Variants in RBFOX1 observed in about 807,000 individuals in gnomAD.
The protein encoded by RBFOX1 is RNA binding protein fox-1 homolog 1.
In RBFOX1, 8 loss-of-function variants were observed where a neutral mutation model predicts 57.7. The observed-to-expected ratio is 0.14, with a 90% CI of 0.08 to 0.25. RBFOX1 has a LOEUF of 0.25. Among genes scored for constraint, RBFOX1 ranks in the 10% least tolerant of loss-of-function variants. RBFOX1 has a pLI of 1.00. For missense variants in RBFOX1, 611 were observed against 548.5 expected (o/e 1.11, Z -1.14); for synonymous variants, 326 against 222.4 (o/e 1.47, Z -4.15).
chr16:7,532,881 C>A (rs530288066), intron 5 of RBFOX1, among the ~76,000 whole-genome samples: 4 of 152,194 alleles, frequency 2.6e-5, no homozygotes, highest in African/African-American at 9.7e-5. Flanking sequence ...TGGCAACCCC[C>A]GATCTAGGCC....
Position 6,203,906 on chromosome 16 carries a change from C to T in RBFOX1, c.-126-113089C>T, listed in dbSNP as rs887011556. On this transcript the variant is annotated intron_variant, in intron 1 of 15. Transcript: ENST00000550418. Reference sequence around the variant, plus strand: ...GCAAAGCAACCTGCCTATGCCTGATCCCTGCATACACAAACACAGAGAAAT... The same window carrying T: ...GCAAAGCAACCTGCCTATGCCTGATTCCTGCATACACAAACACAGAGAAAT... Among the ~76,000 whole-genome samples, 6 of 152,110 alleles carry T rather than the reference C, an allele frequency of 3.9e-5. No individual in the cohort carries two copies. The East Asian group carries it at 1.2e-3, about 29-fold the overall frequency.
At chr16:5,454,965 T>TTCTTTCTTTC (rs1336351575) in intron 1 of RBFOX1, among the ~76,000 whole-genome samples, 2 of 63,814 alleles carry the variant, frequency 3.1e-5, no homozygotes, top group African/African-American at 1.1e-4. Flanking sequence ...CTTCCTTTCT[T>TTCTTTCTTTC]TCTTTCTTTC....
intron 3 of RBFOX1, among the ~76,000 whole-genome samples, chr16:6,745,858 G>A (rs138254376): frequency 1.0e-3 from 154 of 152,268 alleles, no homozygotes; most frequent in African/African-American, 3.3e-3. Context: ...CATAGGCAGC[G>A]TGATCATCTG....
At chr16:5,712,155 T>G (rs894271466) in intron 3 of RBFOX1, among the ~76,000 whole-genome samples, 3 of 152,162 alleles carry the variant, frequency 2.0e-5, no homozygotes, top group Non-Finnish European at 2.9e-5. Flanking sequence ...GAGAGCAGCA[T>G]AGGCGAAAAC....
At chr16:6,572,170 C>T (rs1217787498) in intron 2 of RBFOX1, among the ~76,000 whole-genome samples, 1 of 152,058 alleles carries the variant, frequency 6.6e-6, no homozygotes, top group Non-Finnish European at 1.5e-5. Context: ...TACTTGATAT[C>T]CCGTCGTGGA....
At chr16:6,653,105 C>T (rs1375837434) in intron 2 of RBFOX1, among the ~76,000 whole-genome samples, 1 of 152,124 alleles carries the variant, frequency 6.6e-6, no homozygotes, top group Non-Finnish European at 1.5e-5. Flanking sequence ...CTTCGTTTGC[C>T]TGGGATGTTC....
chr16:5,947,098 C>T lies in RBFOX1; in HGVS notation c.351+79763C>T, dbSNP rs952217613. Among the ~76,000 whole-genome samples the T allele has an allele frequency of 6.6e-6, 1 of 152,054 alleles. No homozygotes were observed. Among genetic ancestry groups the T allele is most frequent in the Non-Finnish European group, 1.5e-5 (1 of 68,012 alleles). ...CCCATGTGGTTGTGCATACTGTAGT[C>T]CCAGATACTCAGGAGGCTGAGGTAG... On this transcript the variant is annotated intron_variant, in intron 4 of 19. Coordinates refer to the RBFOX1 transcript ENST00000641259. The surrounding 1 kb of genome is among the most constrained non-coding windows in gnomAD (Gnocchi z 7.2).
At chr16:6,658,972 C>T (rs564021608) in intron 3 of RBFOX1, among the ~76,000 whole-genome samples, 24 of 146,658 alleles carry the variant, frequency 1.6e-4, no homozygotes, top group Middle Eastern at 3.6e-3. Flanking sequence ...TGCAGGTGAA[C>T]GTTGTGGAGC....
chr16:6,702,792 C>G (rs922741331), intron 3 of RBFOX1, among the ~76,000 whole-genome samples: 6 of 152,140 alleles, frequency 3.9e-5, no homozygotes, highest in African/African-American at 1.4e-4. Flanking sequence ...AATGTACCAC[C>G]TTAGCCATTT....
At position 7,032,201 on chromosome 16, in the gene RBFOX1, G is replaced by A. The variant is rs538684364; in HGVS notation, c.-15-19856G>A. The stretch of plus-strand genomic sequence containing the variant: ...GTTCTTTGGGAGGCCAAGGCGGGCG[G>A]ATCGCTTGAGGTCAGGAGTTCGAGA... On this transcript the variant is annotated intron_variant, in intron 3 of 15. Transcript: ENST00000550418. Among the ~76,000 whole-genome samples the A allele has an allele frequency of 1.3e-5, 2 of 152,198 alleles. 1 individual carries two copies. Among genetic ancestry groups the A allele is most frequent in the East Asian group, 3.9e-4 (2 of 5,170 alleles).
intron 3 of RBFOX1, among the ~76,000 whole-genome samples, chr16:6,910,639 C>G (rs778691135): frequency 2.2e-4 from 34 of 152,158 alleles, no homozygotes; most frequent in Non-Finnish European, 4.7e-4. Context: ...CCATCTTTGT[C>G]AGTTTCTAGA....
At chr16:6,839,379 T>G (rs556705664) in intron 3 of RBFOX1, among the ~76,000 whole-genome samples, 1 of 152,346 alleles carries the variant, frequency 6.6e-6, no homozygotes, top group African/African-American at 2.4e-5. Context: ...AGGCTGAGGT[T>G]AGGTTGTCAG....
chr16:6,477,711 C>G (rs2095295693), intron 2 of RBFOX1, among the ~76,000 whole-genome samples: 2 of 152,266 alleles, frequency 1.3e-5, no homozygotes, highest in South Asian at 4.1e-4. Context: ...AGCTTTAAAG[C>G]CAGGTGTTGA....
rs34481482 is a variant in RBFOX1, at chr16:6,032,882, GT to G, written c.-127+12906del. On this transcript the variant is annotated intron_variant, in intron 1 of 15. Coordinates refer to ENST00000550418, the MANE Select transcript of RBFOX1 (RefSeq NM_018723.4). ...TTTCAAAATGCAAAACCTAGTGTAA[GT>G]TTTTTTTTTTTTTTTCCCTCTCTCC... 1.0e-3 allele frequency among the ~76,000 whole-genome samples: 140 copies of G among 140,060 alleles called. 1 individual carries two copies. Among genetic ancestry groups the G allele is most frequent in the African/African-American group, 2.6e-3 (95 of 36,438 alleles). The allele number at this position is 140,060 out of a possible 152,430, so 91.9% of individuals were successfully genotyped here.
chr16:6,877,848 A>G lies in RBFOX1; in HGVS notation c.-15-174209A>G, dbSNP rs2062127847. ...ATCTAACAGTCTTCTTCCTATCCCC[A>G]AAATACCCATTCAAAGAGAATAGGG... On this transcript the variant is annotated intron_variant, in intron 3 of 15. Transcript: ENST00000550418. Among the ~76,000 whole-genome samples, 3 of 152,196 alleles carry G rather than the reference A, an allele frequency of 2.0e-5. No homozygotes were observed. The South Asian group carries it at 6.2e-4, about 31-fold the overall frequency.
chr16:7,284,978 C>T (rs59444606), intron 4 of RBFOX1, among the ~76,000 whole-genome samples: 4,104 of 151,916 alleles, frequency 0.027, 190 homozygotes, highest in African/African-American at 0.093. Flanking sequence ...TCGCCAACGC[C>T]TCATCCCTCC....
intron 2 of RBFOX1, among the ~76,000 whole-genome samples, chr16:6,600,627 G>C (rs987487105): frequency 6.6e-6 from 1 of 152,148 alleles, no homozygotes; most frequent in African/African-American, 2.4e-5. Context: ...AATCAGAACT[G>C]AAACAGTGGA....
chr16:5,454,735 C>G (rs963512413), intron 1 of RBFOX1, among the ~76,000 whole-genome samples: 1 of 144,384 alleles, frequency 6.9e-6, no homozygotes, highest in Non-Finnish European at 1.5e-5. Flanking sequence ...CTCTCTCTTT[C>G]TTTCTTTCTT....
At chr16:7,091,365 C>CT (rs113771102) in intron 4 of RBFOX1, among the ~76,000 whole-genome samples, 223 of 145,868 alleles carry the variant, frequency 1.5e-3, no homozygotes, top group African/African-American at 3.5e-3. Flanking sequence ...CTTTTAAAAA[C>CT]TTTTTTTTTT....
Sources: gnomAD v4.1 joint callset for allele counts (sites outside exome capture counted in the v4.1 genomes callset) on GRCh38, gnomAD v4.1.1 for gene constraint, Gnocchi (gnomAD v3.1) non-coding constraint, MANE v1.5 for transcripts, NCBI Gene and HGNC (gene_info 2026-07-23, HGNC 2026-07-21) for gene names.